Variants in TTPA observed in about 807,000 individuals in gnomAD.
TTPA encodes alpha-tocopherol transfer protein.
A neutral mutation model predicts 25.9 loss-of-function variants in TTPA; 23 were observed. The observed-to-expected ratio is 0.89, with a 90% confidence interval of 0.64 to 1.26. The LOEUF is 1.26. Among genes scored for constraint, TTPA ranks in the 50% most tolerant of loss-of-function variants. TTPA has a pLI of 0.00. For synonymous variants in TTPA, 148 were observed against 137.3 expected, an observed-to-expected ratio of 1.08 and a Z score of -0.54; for missense variants, 337 against 353.1, an observed-to-expected ratio of 0.95 and a Z score of 0.37.
Position 63,061,235 on chromosome 8 carries a change from T to TCA in TTPA, c.*15_*16dup. 1 of 1,611,944 alleles carries TCA rather than the reference T, an allele frequency of 6.2e-7. No homozygotes were observed. Among genetic ancestry groups the TCA allele is most frequent in the Non-Finnish European group, 8.5e-7 (1 of 1,179,204 alleles). On this transcript the variant is annotated 3_prime_UTR_variant, in exon 5 of 5. Coordinates refer to ENST00000260116, the MANE Select transcript of TTPA (RefSeq NM_000370.3). ...CATGTATTTTTAGTTAGGAAGCCAT[T>TCA]CACATGACATAACTTCTCATTGAAT...
chr8:63,059,920 GC>G lies in TTPA; in HGVS notation c.*1331del, dbSNP rs1359171840. 1.3e-5 allele frequency: 2 copies of G among 151,996 alleles called. No individual in the cohort carries two copies. Among genetic ancestry groups the G allele is most frequent in the Non-Finnish European group, 2.9e-5 (2 of 67,980 alleles). The allele number at this position is 151,996 out of a possible 1,614,324, so 9.4% of individuals were successfully genotyped here. On this transcript the variant is annotated 3_prime_UTR_variant, in exon 5 of 5. Transcript: ENST00000260116. Reference sequence around the variant, plus strand: ...TTGCCCAGGCTGGTCTAGAACTCCTGCGCTCAAGCAATCATCCATCCAGCCT... The same window carrying G: ...TTGCCCAGGCTGGTCTAGAACTCCTGGCTCAAGCAATCATCCATCCAGCCT...
chr8:63,076,551 C>G (rs1390549113), intron 1 of TTPA, among the ~76,000 whole-genome samples: 1 of 152,142 alleles, frequency 6.6e-6, no homozygotes, highest in Non-Finnish European at 1.5e-5. Context: ...GTCCTGCTAG[C>G]CAATTCCTCA....
Position 63,080,737 on chromosome 8 carries a change from A to T in TTPA, c.204+5081T>A, listed in dbSNP as rs1438472729. Among the ~76,000 whole-genome samples the T allele has an allele frequency of 6.4e-3, 845 of 132,802 alleles. 8 individuals are homozygous for T. The highest frequency in any genetic ancestry group is 0.025 in the African/African-American group (784 of 30,950). 87.1% of individuals were successfully genotyped at this position (132,802 alleles called of 152,430 possible). On this transcript the variant is annotated intron_variant, in intron 1 of 4. Coordinates refer to ENST00000260116, the MANE Select transcript of TTPA (RefSeq NM_000370.3). ...TCCGTATCAAAAAAAAAAAAAAAAT[A>T]AATAATAATAATAATAAAGAAGAAA...
At chr8:63,064,976 A>C (rs1483483666) in intron 3 of TTPA, among the ~76,000 whole-genome samples, 1 of 152,288 alleles carries the variant, frequency 6.6e-6, no homozygotes, top group African/African-American at 2.4e-5. Flanking sequence ...TCTTTTAAAC[A>C]TAATTGCTAA....
intron 1 of TTPA, among the ~76,000 whole-genome samples, chr8:63,082,412 A>G (rs1337297316): frequency 6.6e-6 from 1 of 152,232 alleles, no homozygotes; most frequent in Non-Finnish European, 1.5e-5. Context: ...TATTTAATAA[A>G]TGGCGCTGGG....
At chr8:63,082,909 G>T (rs1288699722) in intron 1 of TTPA, among the ~76,000 whole-genome samples, 1 of 152,194 alleles carries the variant, frequency 6.6e-6, no homozygotes, top group Non-Finnish European at 1.5e-5. Context: ...CTGGTCATCA[G>T]AGAAATGCAA....
intron 2 of TTPA, among the ~76,000 whole-genome samples, chr8:63,067,724 G>A (rs1244948375): frequency 6.6e-6 from 1 of 152,036 alleles, no homozygotes; most frequent in African/African-American, 2.4e-5. Flanking sequence ...AGGTATGTGA[G>A]CACAGTACCC....
At chr8:63,061,466 T>C (rs1301967482) in intron 4 of TTPA, 41 bp from the exon 5 acceptor site, 1 of 1,590,656 alleles carries the variant, frequency 6.3e-7, no homozygotes. Context: ...CCGCATTAGA[T>C]GCATTTCCAG....
At chr8:63,077,668 G>A (rs909530976) in intron 1 of TTPA, among the ~76,000 whole-genome samples, 1 of 152,236 alleles carries the variant, frequency 6.6e-6, no homozygotes, top group Non-Finnish European at 1.5e-5. Flanking sequence ...AGCTCGAACT[G>A]GGTGGAGCCC....
At chr8:63,067,297 A>C (rs886741887) in intron 2 of TTPA, among the ~76,000 whole-genome samples, 5 of 152,278 alleles carry the variant, frequency 3.3e-5, no homozygotes, top group African/African-American at 1.2e-4. Flanking sequence ...GGCACAAAAG[A>C]GCCAAGAGTT....
At position 63,072,991 on chromosome 8, in the gene TTPA, T is replaced by C. The variant is rs1805505724; in HGVS notation, c.302A>G (p.His101Arg). Residue 101 changes from histidine to arginine, a missense_variant, in exon 2 of 5, where the codon CAT becomes CGT. His to Arg is a conservative substitution (Grantham distance 29). Transcript: ENST00000260116. ...GGGATCCCTGGATCTCAGGACTCCA[T>C]GGTAGCCAGCCTTTAGGAGGCCAAT... ...SIIGLLKAGY[H>R]GVLRSRDPTG... is the part of the protein sequence containing the mutation. 3 of 1,613,968 alleles carry C rather than the reference T, an allele frequency of 1.9e-6. No homozygotes were observed. Among genetic ancestry groups the C allele is most frequent in the African/African-American group, 1.3e-5 (1 of 74,920 alleles).
In TTPA at chr8:63,059,589, G is replaced by T. The variant is rs1488370078; in HGVS notation, c.*1663C>A. Among the ~76,000 whole-genome samples, 1 of 152,018 alleles carries T rather than the reference G, an allele frequency of 6.6e-6. No homozygotes were observed. Among genetic ancestry groups the T allele is most frequent in the Non-Finnish European group, 1.5e-5 (1 of 67,998 alleles). ...TAACTAGCTGAACAAATGTTCAACAGATTTTGGACCCCATATTCTACATTT... is the reference window on the plus strand; with the variant it reads ...TAACTAGCTGAACAAATGTTCAACATATTTTGGACCCCATATTCTACATTT... On this transcript the variant is annotated 3_prime_UTR_variant, in exon 5 of 5. Coordinates refer to ENST00000260116, the MANE Select transcript of TTPA (RefSeq NM_000370.3).
intron 1 of TTPA, among the ~76,000 whole-genome samples, chr8:63,074,655 A>G (rs1805534917): frequency 6.6e-6 from 1 of 152,222 alleles, no homozygotes; most frequent in Admixed American, 6.5e-5. Context: ...GGGTACCAGA[A>G]TAACTGTTAA....
chr8:63,082,791 T>A (rs1222999495), intron 1 of TTPA, among the ~76,000 whole-genome samples: 1 of 152,084 alleles, frequency 6.6e-6, no homozygotes, highest in Non-Finnish European at 1.5e-5. Flanking sequence ...TAAACAAATT[T>A]ACAAGAAAAA....
chr8:63,066,837 A>G (rs993025707), intron 2 of TTPA, among the ~76,000 whole-genome samples: 2 of 152,208 alleles, frequency 1.3e-5, no homozygotes, highest in Non-Finnish European at 2.9e-5. Flanking sequence ...CCATACACAC[A>G]CAAAGAGAGG....
At position 63,066,045 on chromosome 8, in the gene TTPA, T is replaced by C. The variant is rs746890193; in HGVS notation, c.411A>G (p.Leu137=). 17 of 1,613,962 alleles carry C rather than the reference T, an allele frequency of 1.1e-5. No individual in the cohort carries two copies. Among genetic ancestry groups the C allele is most frequent in the Non-Finnish European group, 1.4e-5 (17 of 1,180,000 alleles). The change falls in exon 3 of 5, where the codon CTA becomes CTG. Residue 137 remains leucine (L), a synonymous_variant. Coordinates refer to ENST00000260116, the MANE Select transcript of TTPA (RefSeq NM_000370.3). ...FTAYDVFRVS[L]ITSELIVQEV... ...CCTGTACAATAAGCTCGGATGTGAT[T>C]AGACTTACTCGAAATACGTCATAAG... is the stretch of plus-strand genomic sequence containing the variant.
chr8:63,062,662 TG>T (rs1563678409), intron 4 of TTPA, among the ~76,000 whole-genome samples: 2 of 152,242 alleles, frequency 1.3e-5, no homozygotes, highest in African/African-American at 4.8e-5. Flanking sequence ...CTCCCTATTT[TG>T]GCAAGTCTGT....
intron 4 of TTPA, among the ~76,000 whole-genome samples, 172 bp from the exon 5 acceptor site, chr8:63,061,597 G>A (rs900422289): frequency 6.6e-6 from 1 of 152,158 alleles, no homozygotes; most frequent in Non-Finnish European, 1.5e-5. Context: ...TGTTTAGGTT[G>A]TATTACTGTG....
At position 63,074,411 on chromosome 8, in the gene TTPA, C is replaced by T. The variant is rs114128915; in HGVS notation, c.205-1323G>A. Among the ~76,000 whole-genome samples, 232 of 152,260 alleles carry T rather than the reference C, an allele frequency of 1.5e-3. 1 individual carries two copies. The highest frequency in any genetic ancestry group is 5.3e-3 in the African/African-American group (219 of 41,542). ...TCTTTCTCTCTCTGTCTGTCTCCCT[C>T]TATTTCATTTCTGTATTTAATAAAC... On this transcript the variant is annotated intron_variant, in intron 1 of 4. Transcript: ENST00000260116.
Sources: allele counts gnomAD v4.1 joint callset (sites outside exome capture counted in the v4.1 genomes callset), GRCh38; gene constraint gnomAD v4.1.1; transcripts MANE v1.5; gene names NCBI Gene and HGNC (gene_info 2026-07-23, HGNC 2026-07-21).